Variants in TRAPPC6B observed in about 807,000 individuals in gnomAD.
TRAPPC6B encodes TRAPP complex subunit 6B.
A neutral mutation model predicts 24.7 loss-of-function variants in TRAPPC6B; 27 were observed. The ratio of observed to expected loss-of-function variants is 1.09; its 90% CI spans 0.81 to 1.51. The LOEUF (loss-of-function observed/expected upper bound fraction) is 1.51. Ranked by LOEUF, TRAPPC6B falls within the 40% of genes most tolerant of loss-of-function variation. TRAPPC6B has a pLI of 0.00. For synonymous variants in TRAPPC6B, 80 were observed against 66.6 expected (o/e 1.20, Z -0.98); for missense variants, 212 against 190.8 (o/e 1.11, Z -0.66).
intron 1 of TRAPPC6B, among the ~76,000 whole-genome samples, chr14:39,168,261 G>A (rs889552118): frequency 1.3e-4 from 20 of 151,680 alleles, no homozygotes; most frequent in African/African-American, 4.4e-4. Flanking sequence ...GGTAAGAAGG[G>A]AGGGGAGAAT....
chr14:39,148,933 ATACTGT>A lies in TRAPPC6B; in HGVS notation c.*1411_*1416del, dbSNP rs2052885600. On this transcript the variant is annotated 3_prime_UTR_variant, in exon 6 of 6. Transcript: ENST00000330149. ...CCTGTACAGCATATTATTGTAGTGA[ATACTGT>A]AGGACACTGTAACACAATGGTAAGT... 1 of 393,430 alleles carries A rather than the reference ATACTGT, an allele frequency of 2.5e-6. No individual in the cohort carries two copies. The highest frequency in any genetic ancestry group is 2.1e-5 in the African/African-American group (1 of 48,468). The allele number at this position is 393,430 out of a possible 1,614,324, so 24.4% of individuals were successfully genotyped here. A position where few individuals can be genotyped will look rare whatever the true frequency, so the allele number is the denominator to read the frequency against.
intron 4 of TRAPPC6B, among the ~76,000 whole-genome samples, chr14:39,153,870 A>G (rs1363356270): frequency 3.3e-5 from 5 of 151,790 alleles, no homozygotes; most frequent in African/African-American, 4.8e-5. Flanking sequence ...ACGTCCAGCT[A>G]TTTTTCATAT....
chr14:39,151,899 A>G, intron 4 of TRAPPC6B, 60 bp from the exon 5 acceptor site: 1 of 1,157,900 alleles, frequency 8.6e-7, no homozygotes, highest in Non-Finnish European at 1.3e-6. Context: ...AAAGCTATTG[A>G]TAAATACAAC....
chr14:39,154,115 C>T, intron 4 of TRAPPC6B, 96 bp downstream of exon 4: 1 of 749,906 alleles, frequency 1.3e-6, no homozygotes, highest in Non-Finnish European at 2.2e-6. Flanking sequence ...CACCTTAAAA[C>T]ATATTTTTAA....
intron 1 of TRAPPC6B, among the ~76,000 whole-genome samples, chr14:39,159,895 T>A (rs1427471550): frequency 1.3e-5 from 2 of 152,176 alleles, no homozygotes; most frequent in African/African-American, 4.8e-5. Context: ...CCATCTCGGC[T>A]CACTGCAACC....
chr14:39,158,583 T>C (rs2053015636), intron 2 of TRAPPC6B, 181 bp from the exon 3 acceptor site: 1 of 505,604 alleles, frequency 2.0e-6, no homozygotes. Context: ...AATAGCATAA[T>C]CTCGGCTCAT....
intron 3 of TRAPPC6B, among the ~76,000 whole-genome samples, chr14:39,156,384 T>C (rs1004298231): frequency 7.9e-5 from 12 of 152,204 alleles, no homozygotes; most frequent in African/African-American, 2.9e-4. Context: ...AATTTTTTAC[T>C]TAATCAAAAT....
In TRAPPC6B at chr14:39,151,757, G is replaced by C; in HGVS notation, c.434C>G (p.Ser145Ter). 5.0e-6 allele frequency: 8 copies of C among 1,592,112 alleles called. No individual in the cohort carries two copies. Among genetic ancestry groups the C allele is most frequent in the Non-Finnish European group, 6.8e-6 (8 of 1,172,128 alleles). The change falls in exon 5 of 6, where the codon TCA becomes TGA. Residue 145 changes from serine to a stop codon, truncating the protein, a stop_gained. Coordinates refer to ENST00000330149, the MANE Select transcript of TRAPPC6B (RefSeq NM_001079537.2). LOFTEE classifies it high-confidence loss of function. ...CGAATTCAACTTACAAGCAGGCATT[G>C]AAGACACTTCAGCTGTTACAATACT... ...IKSIVTAEVS[S>*]MPACKFQVMI...
At chr14:39,168,613 T>G (rs1451017795) in intron 1 of TRAPPC6B, among the ~76,000 whole-genome samples, 2 of 152,290 alleles carry the variant, frequency 1.3e-5, no homozygotes, top group East Asian at 3.9e-4. Flanking sequence ...CTCCTTATTT[T>G]TTTCTTCTCC....
At chr14:39,154,330 G>C (rs767178859) in intron 3 of TRAPPC6B, 36 bp from the exon 4 acceptor site, 9 of 1,152,480 alleles carry the variant, frequency 7.8e-6, no homozygotes, top group Non-Finnish European at 1.2e-5. Context: ...CAAAGTCAAT[G>C]TACCTAGCAG....
At chr14:39,151,389 C>CAAA (rs11288695) in intron 5 of TRAPPC6B, among the ~76,000 whole-genome samples, 1,206 of 78,760 alleles carry the variant, frequency 0.015, 64 homozygotes, top group African/African-American at 0.055. Context: ...GACTCCGTCT[C>CAAA]AAAAAAAAAA....
At position 39,149,392 on chromosome 14, in the gene TRAPPC6B, C is replaced by T. The variant is rs951242303; in HGVS notation, c.*958G>A. The T allele has an allele frequency of 6.6e-6, 1 of 152,244 alleles. No individual in the cohort carries two copies. Among genetic ancestry groups the T allele is most frequent in the East Asian group, 1.9e-4 (1 of 5,182 alleles). The allele number at this position is 152,244 out of a possible 1,614,324, so 9.4% of individuals were successfully genotyped here. ...AACAAAGTATAGTTTTAGTAATCAA[C>T]ATGCAAGATTCTAACAAAAGCTGGA... On this transcript the variant is annotated 3_prime_UTR_variant, in exon 6 of 6. Transcript: ENST00000330149.
At chr14:39,167,707 T>A (rs1226577571) in intron 1 of TRAPPC6B, among the ~76,000 whole-genome samples, 1 of 150,110 alleles carries the variant, frequency 6.7e-6, no homozygotes, top group Non-Finnish European at 1.5e-5. Flanking sequence ...TACTTTCAAT[T>A]TTCCCCCCCA....
intron 4 of TRAPPC6B, 65 bp from the exon 5 acceptor site, chr14:39,151,904 TACA>T (rs1195416474): frequency 1.5e-5 from 16 of 1,078,388 alleles, no homozygotes; most frequent in Non-Finnish European, 1.9e-5. Context: ...TATTGATAAA[TACA>T]ACATTACATG....
chr14:39,164,869 T>C (rs2053092400), intron 1 of TRAPPC6B, among the ~76,000 whole-genome samples: 1 of 151,942 alleles, frequency 6.6e-6, no homozygotes, highest in African/African-American at 2.4e-5. Flanking sequence ...AAAAATAAAG[T>C]CCAAACTCCT....
intron 4 of TRAPPC6B, 121 bp from the exon 5 acceptor site, chr14:39,151,960 G>A (rs528306722): frequency 1.5e-6 from 1 of 683,558 alleles, no homozygotes; most frequent in African/African-American, 1.9e-5. Flanking sequence ...AAAGGATTTT[G>A]AAGAACTGTT....
intron 3 of TRAPPC6B, among the ~76,000 whole-genome samples, chr14:39,155,608 C>T (rs2052967844): frequency 6.6e-6 from 1 of 152,088 alleles, no homozygotes; most frequent in Non-Finnish European, 1.5e-5. Flanking sequence ...GTGATCTAGG[C>T]TCACTGCAAC....
In TRAPPC6B at chr14:39,154,334, C is replaced by T. The variant is rs764077455; in HGVS notation, c.268-40G>A. The T allele has an allele frequency of 6.0e-5, 67 of 1,123,552 alleles. 2 individuals are homozygous for T. The Admixed American group carries it at 1.2e-3, about 21-fold the overall frequency. 69.6% of individuals were successfully genotyped at this position (1,123,552 alleles called of 1,614,324 possible). A position where few individuals can be genotyped will look rare whatever the true frequency, so the allele number is the denominator to read the frequency against. ...GAAAAAAAATCCAAAGTCAATGTAC[C>T]TAGCAGTCCTTAAAATTATTTTATT... is the stretch of plus-strand genomic sequence containing the variant. On this transcript the variant is annotated intron_variant, in intron 3 of 5. Transcript: ENST00000330149.
rs61999443 is a variant in TRAPPC6B at position 39,149,742 on chromosome 14, A to G, written c.*608T>C. The G allele has an allele frequency of 0.13, 20,097 of 152,142 alleles. 1,376 individuals carry two copies. Among genetic ancestry groups the G allele is most frequent in the Middle Eastern group, 0.17 (50 of 294 alleles). The allele number at this position is 152,142 out of a possible 1,614,324, so 9.4% of individuals were successfully genotyped here. On this transcript the variant is annotated 3_prime_UTR_variant, in exon 6 of 6. Transcript: ENST00000330149. ...ACTGAATTCACATTTAAACTAATCT[A>G]TATTTCATTTTGATTACATTAATGG...
Sources: gnomAD v4.1 joint callset for allele counts (sites outside exome capture counted in the v4.1 genomes callset) on GRCh38, gnomAD v4.1.1 for gene constraint, MANE v1.5 for transcripts, NCBI Gene and HGNC (gene_info 2026-07-23, HGNC 2026-07-21) for gene names.